STC2: variants seen among roughly 807,000 people sequenced by gnomAD.
STC2 encodes stanniocalcin 2, also known as stanniocalcin-2.
Under a neutral mutation model 22.7 loss-of-function variants are expected in STC2, and 7 were observed. The observed-to-expected ratio is 0.31, with a 90% CI of 0.18 to 0.58. The LOEUF is 0.58. STC2 is among the 20% of genes least tolerant of loss of function. STC2 has a pLI of 0.89. For synonymous variants in STC2, 158 were observed against 163.4 expected (o/e 0.97, Z 0.25); for missense variants, 336 against 406.2 (o/e 0.83, Z 1.48).
intron 3 of STC2, chr5:173,322,918 G>A: frequency 2.4e-6 from 1 of 412,740 alleles, no homozygotes; most frequent in East Asian, 4.9e-5. Flanking sequence ...AGAGCTAGTG[G>A]GTTCTTGGCT....
Position 173,323,992 on chromosome 5 carries a change from C to T in STC2, c.295-562G>A, listed in dbSNP as rs190284593. 507 of 158,640 alleles carry T rather than the reference C, an allele frequency of 3.2e-3. 8 individuals are homozygous for T. The highest frequency in any genetic ancestry group is 0.025 in the Admixed American group (417 of 16,706). 9.8% of individuals were successfully genotyped at this position (158,640 alleles called of 1,614,324 possible). Reference sequence around the variant, plus strand: ...ACGCCCCAAATCCATACCCTTGTCTCCTCCTACCCTACCAGGAAGAGCGCT... The same window carrying T: ...ACGCCCCAAATCCATACCCTTGTCTTCTCCTACCCTACCAGGAAGAGCGCT... On this transcript the variant is annotated intron_variant, in intron 2 of 3. Coordinates refer to ENST00000265087, the MANE Select transcript of STC2 (RefSeq NM_003714.3). The surrounding 1 kb of genome is among the most constrained non-coding windows in gnomAD (Gnocchi z 5.4).
chr5:173,324,931 T>C (rs967412042), intron 2 of STC2, among the ~76,000 whole-genome samples: 41 of 152,190 alleles, frequency 2.7e-4, no homozygotes, highest in African/African-American at 9.7e-4. Context: ...CCGCACATCC[T>C]CTGCAGTTTA....
In STC2 at chr5:173,316,107, T is replaced by C. The variant is rs1330287824; in HGVS notation, c.*1740A>G. ...GAGCTGATGAGTTGACGGATAAGGA[T>C]GCATATGCTTTTTGACCCACTCACT... On this transcript the variant is annotated 3_prime_UTR_variant, in exon 4 of 4. Coordinates refer to ENST00000265087, the MANE Select transcript of STC2 (RefSeq NM_003714.3). 6.6e-6 allele frequency: 1 copy of C among 152,248 alleles called. No homozygotes were observed. Among genetic ancestry groups the C allele is most frequent in the African/African-American group, 2.4e-5 (1 of 41,454 alleles). The allele number at this position is 152,248 out of a possible 1,614,324, so 9.4% of individuals were successfully genotyped here.
chr5:173,319,411 T>A (rs148780931), intron 3 of STC2, among the ~76,000 whole-genome samples: 182 of 152,352 alleles, frequency 1.2e-3, no homozygotes, highest in Middle Eastern at 3.4e-3. Flanking sequence ...CTGATCTATC[T>A]GACCACAAGC....
intron 1 of STC2, 106 bp from the exon 2 acceptor site, chr5:173,326,116 A>C (rs968797147): frequency 2.7e-5 from 36 of 1,330,970 alleles, no homozygotes; most frequent in Non-Finnish European, 3.5e-5. Context: ...AAATTTAAGG[A>C]GGAAAAAAGA....
At position 173,325,742 on chromosome 5, in the gene STC2, C is replaced by T. The variant is rs1172825956; in HGVS notation, c.294+126G>A. On this transcript the variant is annotated intron_variant, in intron 2 of 3. Coordinates refer to ENST00000265087, the MANE Select transcript of STC2 (RefSeq NM_003714.3). The surrounding 1 kb of genome is among the most constrained non-coding windows in gnomAD (Gnocchi z 4.7). ...GCATAATGTTTTATACCTAGACTGTCGCTTGCAAGCACTAAAACACACCAC... is the reference window on the plus strand; with the variant it reads ...GCATAATGTTTTATACCTAGACTGTTGCTTGCAAGCACTAAAACACACCAC... 37 of 1,308,192 alleles carry T rather than the reference C, an allele frequency of 2.8e-5. No homozygotes were observed. Among genetic ancestry groups the T allele is most frequent in the South Asian group, 2.4e-4 (18 of 74,966 alleles). 81.0% of individuals were successfully genotyped at this position (1,308,192 alleles called of 1,614,324 possible).
Position 173,328,096 on chromosome 5 carries a change from C to T in STC2, c.98G>A (p.Gly33Asp), listed in dbSNP as rs1762573011. 5 of 1,600,540 alleles carry T rather than the reference C, an allele frequency of 3.1e-6. No homozygotes were observed. Among genetic ancestry groups the T allele is most frequent in the Non-Finnish European group, 3.4e-6 (4 of 1,173,636 alleles). Residue 33 changes from glycine to aspartate, a missense_variant, in exon 1 of 4, where the codon GGT (glycine) becomes GAT (aspartate). Coordinates refer to ENST00000265087, the MANE Select transcript of STC2 (RefSeq NM_003714.3). Reference sequence around the variant, plus strand: ...CTGCTGGGAGCTCCTGTCTTGGGGACCCTCGGGTGGGTTGGTGGCGTCGGT... The same window carrying T: ...CTGCTGGGAGCTCCTGTCTTGGGGATCCTCGGGTGGGTTGGTGGCGTCGGT... ...RGTDATNPPEGPQDRSSQQKG... is the reference protein window; with the variant it reads ...RGTDATNPPEDPQDRSSQQKG...
chr5:173,323,514 G>A lies in STC2; in HGVS notation c.295-84C>T. 7.6e-7 allele frequency: 1 copy of A among 1,316,236 alleles called. No individual in the cohort carries two copies. The highest frequency in any genetic ancestry group is 1.1e-6 in the Non-Finnish European group (1 of 946,734). 81.5% of individuals were successfully genotyped at this position (1,316,236 alleles called of 1,614,324 possible). On this transcript the variant is annotated intron_variant, in intron 2 of 3. Transcript: ENST00000265087. The surrounding 1 kb of genome is among the most constrained non-coding windows in gnomAD (Gnocchi z 5.4). ...ATGCTTGGACATTTCAGCCCTTCTT[G>A]GGCTTACACAGGATATTTCTGACAT...
At position 173,328,037 on chromosome 5, in the gene STC2, A is replaced by G. The variant is rs776927816; in HGVS notation, c.151+6T>C. ...AGCTCCCGGCTGCGGGGGCACATGC[A>G]CTTACCTGTATTCTGCAGGGACAGG... On this transcript the variant is annotated splice_donor_region_variant and intron_variant, in intron 1 of 3. Transcript: ENST00000265087. The G allele has an allele frequency of 1.3e-6, 2 of 1,536,484 alleles. No homozygotes were observed. The highest frequency in any genetic ancestry group is 4.9e-5 in the East Asian group (2 of 40,528).
chr5:173,320,276 C>G (rs910014334), intron 3 of STC2, among the ~76,000 whole-genome samples: 8 of 152,226 alleles, frequency 5.3e-5, no homozygotes, highest in African/African-American at 1.9e-4. Context: ...GATGAGCCCC[C>G]AGAAGCCCAG....
rs770457435 is a variant in STC2, at chr5:173,323,256, C to T, written c.469G>A (p.Val157Met). 14 of 1,614,120 alleles carry T rather than the reference C, an allele frequency of 8.7e-6. No homozygotes were observed. Among genetic ancestry groups the T allele is most frequent in the Non-Finnish European group, 6.8e-6 (8 of 1,180,058 alleles). Residue 157 changes from valine (V) to methionine (M), a missense_variant, in exon 3 of 4, where the codon GTG becomes ATG. By Grantham distance (21) the Val-to-Met change is conservative. This residue lies in a region of STC2 where 215 missense variants were observed against 231.5 expected (regional missense o/e 0.93). Transcript: ENST00000265087. The surrounding 1 kb of genome is among the most constrained non-coding windows in gnomAD (Gnocchi z 5.4). Reference sequence around the variant, plus strand: ...AAGTCCTTGAAATGGATCATCTCCACTATCACCCGGGTGTTCTCCTGGGCA... The same window carrying T: ...AAGTCCTTGAAATGGATCATCTCCATTATCACCCGGGTGTTCTCCTGGGCA... ...AAAQENTRVIVEMIHFKDLLL... is the reference protein window; with the variant it reads ...AAAQENTRVIMEMIHFKDLLL...
intron 3 of STC2, among the ~76,000 whole-genome samples, chr5:173,322,217 G>C (rs918134184): frequency 3.3e-5 from 5 of 152,106 alleles, no homozygotes; most frequent in African/African-American, 1.2e-4. Context: ...CCATCAAACT[G>C]GTAATGACTT....
intron 1 of STC2, 131 bp from the exon 2 acceptor site, chr5:173,326,141 T>C: frequency 1.0e-6 from 1 of 1,001,842 alleles, no homozygotes; most frequent in Admixed American, 2.8e-5. Flanking sequence ...GTAATGACTA[T>C]TTCAGGACCT....
In STC2 at chr5:173,325,949, G is replaced by C. The variant is rs147198518; in HGVS notation, c.213C>G (p.Phe71Leu). 5.0e-6 allele frequency: 8 copies of C among 1,613,982 alleles called. No individual in the cohort carries two copies. The highest frequency in any genetic ancestry group is 5.1e-6 in the Non-Finnish European group (6 of 1,180,040). Reference protein sequence around the residue: ...GDVGCGVFECFENNSCEIRGL... With the variant: ...GDVGCGVFECLENNSCEIRGL... ...CCCGAATCTCACAAGAGTTGTTCTC[G>C]AAACATTCAAACACGCCACACCCCA... is the stretch of plus-strand genomic sequence containing the variant. The change falls in exon 2 of 4, where the codon TTC becomes TTG. Residue 71 changes from phenylalanine (F) to leucine (L), a missense_variant. Phe to Leu is a conservative substitution (Grantham distance 22, BLOSUM62 0). This residue lies in a region of STC2 where 99 missense variants were observed against 122.7 expected (regional missense o/e 0.81). Transcript: ENST00000265087. The surrounding 1 kb of genome is among the most constrained non-coding windows in gnomAD (Gnocchi z 4.7).
In STC2 at chr5:173,325,817, A is replaced by T; in HGVS notation, c.294+51T>A. The T allele has an allele frequency of 6.2e-7, 1 of 1,609,160 alleles. No individual in the cohort carries two copies. Among genetic ancestry groups the T allele is most frequent in the Non-Finnish European group, 8.5e-7 (1 of 1,175,836 alleles). On this transcript the variant is annotated intron_variant, in intron 2 of 3. Transcript: ENST00000265087. The surrounding 1 kb of genome is among the most constrained non-coding windows in gnomAD (Gnocchi z 4.7). ...AACAAGGCTTTCCAATGAACGTTTC[A>T]ATCATGTATGCTCACCCCAAACATT...
intron 3 of STC2, among the ~76,000 whole-genome samples, chr5:173,321,717 C>T (rs551208663): frequency 6.6e-6 from 1 of 152,162 alleles, no homozygotes; most frequent in Admixed American, 6.5e-5. Context: ...TCCTCTTGGG[C>T]ATAGTAATTT....
intron 3 of STC2, among the ~76,000 whole-genome samples, chr5:173,320,807 C>CT (rs1161529639): frequency 0.036 from 4,798 of 134,126 alleles, 108 homozygotes; most frequent in African/African-American, 0.05. Flanking sequence ...TCAGTTCTCT[C>CT]TTTTTTTTTT....
chr5:173,317,822 A>C lies in STC2; in HGVS notation c.*25T>G. 6.5e-7 allele frequency: 1 copy of C among 1,528,140 alleles called. No individual in the cohort carries two copies. Among genetic ancestry groups the C allele is most frequent in the Non-Finnish European group, 8.8e-7 (1 of 1,134,822 alleles). The allele number at this position is 1,528,140 out of a possible 1,614,324, so 94.7% of individuals were successfully genotyped here. Reference sequence around the variant, plus strand: ...TAAGAAAATGGACGGCGTGGAGGAAAGATTTCGTGGCCAGGCCTTTCATTT... The same window carrying C: ...TAAGAAAATGGACGGCGTGGAGGAACGATTTCGTGGCCAGGCCTTTCATTT... On this transcript the variant is annotated 3_prime_UTR_variant, in exon 4 of 4. Coordinates refer to ENST00000265087, the MANE Select transcript of STC2 (RefSeq NM_003714.3).
At position 173,328,264 on chromosome 5, in the gene STC2, CCT is replaced by C; in HGVS notation, c.-73_-72del. ...CTCCCCTCTTCCTCCTCCTCCTCTT[CCT>C]CCTTCGCCGCTTCCCCTCCTCCTCC... On this transcript the variant is annotated 5_prime_UTR_variant, in exon 1 of 4. Coordinates refer to ENST00000265087, the MANE Select transcript of STC2 (RefSeq NM_003714.3). 4 of 1,358,288 alleles carry C rather than the reference CCT, an allele frequency of 2.9e-6. No homozygotes were observed. The highest frequency in any genetic ancestry group is 3.8e-6 in the Non-Finnish European group (4 of 1,043,322). 84.1% of individuals were successfully genotyped at this position (1,358,288 alleles called of 1,614,324 possible).
Sources: allele counts gnomAD v4.1 joint callset (sites outside exome capture counted in the v4.1 genomes callset), GRCh38; gene constraint gnomAD v4.1.1; regional missense constraint gnomAD v4.1.1; non-coding constraint Gnocchi (gnomAD v3.1); transcripts MANE v1.5; gene names NCBI Gene and HGNC (gene_info 2026-07-23, HGNC 2026-07-21).